Variants in C8orf90 observed in about 807,000 individuals in gnomAD.
C8orf90 encodes uncharacterized protein C8orf90.
chr8:141,516,288 T>C, the C8orf90 span, among the ~76,000 whole-genome samples: 2 of 152,194 alleles, frequency 1.3e-5, no homozygotes, highest in Non-Finnish European at 2.9e-5. Flanking sequence ...ACTTCTCTGC[T>C]CCACATTCAG....
the C8orf90 span, chr8:141,518,613 C>A: frequency 2.0e-6 from 1 of 494,346 alleles, no homozygotes. Context: ...GCTGCCCGGC[C>A]CCGCCGCCGC....
the C8orf90 span, among the ~76,000 whole-genome samples, chr8:141,517,384 G>A: frequency 3.2e-3 from 215 of 68,106 alleles, 1 homozygote; most frequent in Non-Finnish European, 4.5e-3. Flanking sequence ...TATCCCTACA[G>A]CTAAGCACAT....
chr8:141,515,108 C>A, the C8orf90 span, among the ~76,000 whole-genome samples: 4 of 147,936 alleles, frequency 2.7e-5, no homozygotes, highest in Middle Eastern at 3.4e-3. Context: ...CATTCTCCTG[C>A]CCTTGCCTCT....
the C8orf90 span, among the ~76,000 whole-genome samples, chr8:141,515,497 C>T: frequency 6.6e-6 from 1 of 151,460 alleles, no homozygotes; most frequent in African/African-American, 2.4e-5. Flanking sequence ...CCTCGGACTC[C>T]TGTAAGGATT....
the C8orf90 span, among the ~76,000 whole-genome samples, chr8:141,517,776 C>T: frequency 1.3e-5 from 2 of 152,204 alleles, no homozygotes; most frequent in African/African-American, 4.8e-5. Flanking sequence ...AAAGTCCATT[C>T]TCTGCACAGC....
At chr8:141,515,716 G>A in the C8orf90 span, among the ~76,000 whole-genome samples, 75,386 of 151,602 alleles carry the variant, frequency 0.5, 20,241 homozygotes, top group South Asian at 0.64. Context: ...CTGCCCCCTC[G>A]CTGGCCCCTC....
chr8:141,515,534 G>A, the C8orf90 span, among the ~76,000 whole-genome samples: 59 of 151,636 alleles, frequency 3.9e-4, no homozygotes, highest in Middle Eastern at 3.4e-3. Flanking sequence ...CCACCCACCC[G>A]ACAAACTGTA....
the C8orf90 span, among the ~76,000 whole-genome samples, chr8:141,517,094 A>T: frequency 6.6e-6 from 1 of 152,190 alleles, no homozygotes; most frequent in Non-Finnish European, 1.5e-5. Context: ...GCATAGTGGA[A>T]AGTGATTGCC....
chr8:141,516,655 T>C, the C8orf90 span, among the ~76,000 whole-genome samples: 2 of 152,074 alleles, frequency 1.3e-5, no homozygotes, highest in Non-Finnish European at 2.9e-5. Flanking sequence ...CAGTGATTCA[T>C]CTAGTTTTGT....
chr8:141,518,141 C>T, the C8orf90 span: 2 of 527,950 alleles, frequency 3.8e-6, no homozygotes, highest in Non-Finnish European at 6.6e-6. Context: ...GCCCGGCCTC[C>T]TGGTCTCCCG....
chr8:141,518,610 G>C, the C8orf90 span: 16 of 489,466 alleles, frequency 3.3e-5, no homozygotes, highest in African/African-American at 3.1e-4. Context: ...GCTGCTGCCC[G>C]GCCCCGCCGC....
the C8orf90 span, among the ~76,000 whole-genome samples, chr8:141,517,739 T>C: frequency 2.0e-5 from 3 of 152,180 alleles, no homozygotes; most frequent in African/African-American, 7.2e-5. Flanking sequence ...TGTCCTCCCC[T>C]GGATCTGACC....
chr8:141,517,550 C>A, the C8orf90 span, among the ~76,000 whole-genome samples: 10 of 152,184 alleles, frequency 6.6e-5, no homozygotes, highest in Non-Finnish European at 1.0e-4. Flanking sequence ...AAACCAAACT[C>A]CTCTTCCACC....
chr8:141,516,540 G>T, the C8orf90 span, among the ~76,000 whole-genome samples: 1 of 152,068 alleles, frequency 6.6e-6, no homozygotes, highest in Admixed American at 6.6e-5. Flanking sequence ...ATCACTGCCC[G>T]CTCCCTCTTG....
chr8:141,514,745 C>T, the C8orf90 span: 2 of 701,648 alleles, frequency 2.9e-6, no homozygotes, highest in Non-Finnish European at 5.2e-6. Flanking sequence ...TCTGCCCCCT[C>T]CTTCTGTAGC....
At chr8:141,517,650 C>T in the C8orf90 span, among the ~76,000 whole-genome samples, 35 of 152,232 alleles carry the variant, frequency 2.3e-4, no homozygotes, top group African/African-American at 8.4e-4. Context: ...AGGCTCCTCC[C>T]TGTCTCTGTC....
the C8orf90 span, chr8:141,514,683 C>T: frequency 8.6e-6 from 6 of 700,640 alleles, no homozygotes; most frequent in South Asian, 8.9e-5. Context: ...AAGCCTGTCT[C>T]CCGGGCTGCT....
the C8orf90 span, among the ~76,000 whole-genome samples, chr8:141,516,372 C>A: frequency 6.6e-6 from 1 of 152,216 alleles, no homozygotes; most frequent in Non-Finnish European, 1.5e-5. Flanking sequence ...TGAACCCACT[C>A]TCACCGGGTT....
the C8orf90 span, chr8:141,514,772 C>T: frequency 2.5e-4 from 178 of 700,624 alleles, 3 homozygotes; most frequent in South Asian, 2.5e-3. Flanking sequence ...AGGCGAGACA[C>T]TTGGTGAGGG....
Sources: allele counts gnomAD v4.1 joint callset (sites outside exome capture counted in the v4.1 genomes callset), GRCh38; gene constraint gnomAD v4.1.1; transcripts MANE v1.5; gene names NCBI Gene and HGNC (gene_info 2026-07-23, HGNC 2026-07-21).